The following PCDH7 variants were observed in gnomAD, a reference collection of about 807,000 sequenced individuals.
The protein encoded by PCDH7 is protocadherin 7, also known as protocadherin-7.
In PCDH7, 17 loss-of-function variants were observed where a neutral mutation model predicts 58.9. The ratio of observed to expected loss-of-function variants is 0.29; its 90% CI spans 0.20 to 0.43. The LOEUF (loss-of-function observed/expected upper bound fraction) is 0.43. Ranked by LOEUF, PCDH7 falls within the 20% of genes least tolerant of loss-of-function variation. The probability of loss-of-function intolerance (pLI) is 1.00; values close to 1 mark genes in which losing one functional copy is unlikely to be tolerated. For missense variants in PCDH7, 1,274 were observed against 1,441.0 expected (o/e 0.88, Z 1.88); for synonymous variants, 664 against 616.4 (o/e 1.08, Z -1.14).
chr4:31,133,671 T>G (rs967641785), intron 3 of PCDH7, among the ~76,000 whole-genome samples: 2 of 152,226 alleles, frequency 1.3e-5, no homozygotes, highest in Admixed American at 1.3e-4. Flanking sequence ...ATCTCTGATG[T>G]GCATAAATTG....
At chr4:30,995,579 C>T (rs1216652445) in intron 3 of PCDH7, among the ~76,000 whole-genome samples, 3 of 151,966 alleles carry the variant, frequency 2.0e-5, no homozygotes, top group African/African-American at 7.2e-5. Flanking sequence ...GTACACATTA[C>T]CACAAACTTA....
At chr4:30,923,216 G>A (rs747902492) in intron 2 of PCDH7, among the ~76,000 whole-genome samples, 1 of 152,102 alleles carries the variant, frequency 6.6e-6, no homozygotes, top group South Asian at 2.1e-4. Context: ...AAGTGTTTGG[G>A]ATTAACTTTC....
At chr4:30,975,541 C>A (rs543582401) in intron 3 of PCDH7, among the ~76,000 whole-genome samples, 1 of 152,072 alleles carries the variant, frequency 6.6e-6, no homozygotes, top group Non-Finnish European at 1.5e-5. Context: ...TATTATCTGG[C>A]CCATCTGTTT....
chr4:30,807,060 A>G (rs1367151869), intron 1 of PCDH7, among the ~76,000 whole-genome samples: 1 of 152,174 alleles, frequency 6.6e-6, no homozygotes, highest in African/African-American at 2.4e-5. Flanking sequence ...GCAAATGTTG[A>G]CACGCATAAA....
chr4:31,010,049 G>A (rs367863659), intron 3 of PCDH7, among the ~76,000 whole-genome samples: 1 of 151,924 alleles, frequency 6.6e-6, no homozygotes, highest in African/African-American at 2.4e-5. Flanking sequence ...TTTTATGCCT[G>A]CAAAATTCAA....
intron 3 of PCDH7, among the ~76,000 whole-genome samples, chr4:30,980,601 A>G (rs1437994875): frequency 6.6e-6 from 1 of 152,194 alleles, no homozygotes; most frequent in African/African-American, 2.4e-5. Context: ...AAGGCTCACA[A>G]AGAAACATCG....
chr4:30,737,981 A>G (rs944962163), intron 1 of PCDH7, among the ~76,000 whole-genome samples: 4 of 152,108 alleles, frequency 2.6e-5, no homozygotes, highest in African/African-American at 7.2e-5. Flanking sequence ...GTTTCTGATG[A>G]GGTCTCTCTT....
chr4:30,928,946 C>G (rs1008165510), intron 2 of PCDH7, among the ~76,000 whole-genome samples: 1 of 152,028 alleles, frequency 6.6e-6, no homozygotes, highest in African/African-American at 2.4e-5. Context: ...TTCAAAAACT[C>G]TAAAATTTAT....
At chr4:30,867,594 A>T (rs955377043) in intron 1 of PCDH7, among the ~76,000 whole-genome samples, 1 of 152,048 alleles carries the variant, frequency 6.6e-6, no homozygotes, top group African/African-American at 2.4e-5. Flanking sequence ...AAGGATTTAG[A>T]CATCCGTGGA....
intron 1 of PCDH7, among the ~76,000 whole-genome samples, chr4:30,860,096 G>C (rs1214873623): frequency 6.6e-6 from 1 of 152,112 alleles, no homozygotes; most frequent in Non-Finnish European, 1.5e-5. Flanking sequence ...ACATCAGTAA[G>C]GCATTCAATT....
rs187462942 is a variant in PCDH7 at position 30,751,124 on chromosome 4, C to A, written c.70+26528C>A. ...CTGTTACCTCAAAGTGCTGGAGAATCGTGCACAGGTGATTTTGTACCTGTG... is the reference window on the plus strand; with the variant it reads ...CTGTTACCTCAAAGTGCTGGAGAATAGTGCACAGGTGATTTTGTACCTGTG... On this transcript the variant is annotated intron_variant, in intron 1 of 3. Coordinates refer to the PCDH7 transcript ENST00000509759. Among the ~76,000 whole-genome samples, 710 of 152,282 alleles carry A rather than the reference C, an allele frequency of 4.7e-3. 6 individuals are homozygous for A. The highest frequency in any genetic ancestry group is 0.016 in the African/African-American group (672 of 41,556).
At chr4:31,072,235 A>G (rs1453396231) in intron 3 of PCDH7, among the ~76,000 whole-genome samples, 1 of 152,126 alleles carries the variant, frequency 6.6e-6, no homozygotes, top group Non-Finnish European at 1.5e-5. Context: ...AAATGCATAC[A>G]GGAAAAGAAT....
chr4:30,921,583 A>T (rs1743194272), intron 2 of PCDH7, among the ~76,000 whole-genome samples: 1 of 152,116 alleles, frequency 6.6e-6, no homozygotes, highest in Non-Finnish European at 1.5e-5. Flanking sequence ...AAAATATGAT[A>T]TCAGGGTCTG....
intron 1 of PCDH7, among the ~76,000 whole-genome samples, chr4:30,894,556 CACAT>C (rs1224383957): frequency 4.3e-4 from 45 of 103,544 alleles, no homozygotes; most frequent in African/African-American, 2.1e-4. Flanking sequence ...CACACACACA[CACAT>C]ATATACATAT....
At chr4:30,840,029 A>T (rs937323246) in intron 1 of PCDH7, among the ~76,000 whole-genome samples, 1 of 148,538 alleles carries the variant, frequency 6.7e-6, no homozygotes, top group African/African-American at 2.5e-5. Flanking sequence ...AATGATGATG[A>T]GTGTGTGTGT....
At chr4:31,095,925 A>G (rs992566273) in intron 3 of PCDH7, among the ~76,000 whole-genome samples, 1 of 152,196 alleles carries the variant, frequency 6.6e-6, no homozygotes, top group African/African-American at 2.4e-5. Flanking sequence ...GCAGGATATT[A>G]TAAATTGTTA....
intron 1 of PCDH7, among the ~76,000 whole-genome samples, chr4:30,912,413 T>C (rs1741896558): frequency 2.0e-5 from 3 of 152,178 alleles, no homozygotes; most frequent in Non-Finnish European, 2.9e-5. Flanking sequence ...CTCCTTATAA[T>C]AATGCAATGT....
chr4:30,800,292 A>T (rs1368786679), intron 1 of PCDH7, among the ~76,000 whole-genome samples: 1 of 152,182 alleles, frequency 6.6e-6, no homozygotes, highest in Non-Finnish European at 1.5e-5. Flanking sequence ...ATTATTTTGG[A>T]TATACACATG....
chr4:30,802,309 T>C (rs1447022766), intron 1 of PCDH7, among the ~76,000 whole-genome samples: 3 of 138,550 alleles, frequency 2.2e-5, no homozygotes, highest in Non-Finnish European at 4.7e-5. Flanking sequence ...TTATTAATAA[T>C]ACATCAAGTT....
Sources: allele counts gnomAD v4.1 joint callset (sites outside exome capture counted in the v4.1 genomes callset), GRCh38; gene constraint gnomAD v4.1.1; transcripts MANE v1.5; gene names NCBI Gene and HGNC (gene_info 2026-07-23, HGNC 2026-07-21).